Variants in CNTN5 observed in about 807,000 individuals in gnomAD.
The protein encoded by CNTN5 is contactin-5.
CNTN5 carries 77 observed loss-of-function variants against 129.1 expected under a neutral mutation model. The ratio of observed to expected loss-of-function variants is 0.60; its 90% CI spans 0.50 to 0.72. The LOEUF (loss-of-function observed/expected upper bound fraction) is 0.72, where lower values mean the gene tolerates loss of function less well. Ranked by LOEUF, CNTN5 falls within the 30% of genes least tolerant of loss-of-function variation. The pLI, the probability that CNTN5 is intolerant of heterozygous loss-of-function variation, is 0.00. For missense variants in CNTN5, 1,478 were observed against 1,328.8 expected, an observed-to-expected ratio of 1.11 and a Z score of -1.75; for synonymous variants, 509 against 465.6, an observed-to-expected ratio of 1.09 and a Z score of -1.20.
chr11:100,236,183 G>A (rs1949609378), intron 16 of CNTN5, among the ~76,000 whole-genome samples: 1 of 152,092 alleles, frequency 6.6e-6, no homozygotes, highest in Admixed American at 6.5e-5. Flanking sequence ...AAATAAACAA[G>A]GCTGTTTAAG....
At chr11:99,524,840 A>G (rs1292961878) in intron 2 of CNTN5, among the ~76,000 whole-genome samples, 3 of 152,134 alleles carry the variant, frequency 2.0e-5, no homozygotes, top group African/African-American at 7.2e-5. Context: ...ATATGTATAT[A>G]TATTTTCAAT....
chr11:99,664,538 A>C (rs572403552), intron 3 of CNTN5, among the ~76,000 whole-genome samples: 2 of 152,166 alleles, frequency 1.3e-5, no homozygotes, highest in Non-Finnish European at 2.9e-5. Context: ...CAGGATATCA[A>C]TGGCATTTTT....
At chr11:99,536,935 G>T (rs931783227) in intron 2 of CNTN5, among the ~76,000 whole-genome samples, 11 of 149,692 alleles carry the variant, frequency 7.3e-5, no homozygotes, top group African/African-American at 2.7e-4. Flanking sequence ...TCCAAAAATA[G>T]AATCATTTCA....
intron 1 of CNTN5, among the ~76,000 whole-genome samples, chr11:99,210,723 T>G (rs1417613832): frequency 6.6e-6 from 1 of 152,152 alleles, no homozygotes; most frequent in Non-Finnish European, 1.5e-5. Context: ...AAATGTTATG[T>G]TTAGCTGTTC....
chr11:99,791,547 C>T (rs1385786249), intron 3 of CNTN5, among the ~76,000 whole-genome samples: 1 of 151,966 alleles, frequency 6.6e-6, no homozygotes, highest in Non-Finnish European at 1.5e-5. Flanking sequence ...AGTTGGGTCA[C>T]GTGATGCCTC....
chr11:99,769,566 A>G (rs933179939), intron 3 of CNTN5, among the ~76,000 whole-genome samples: 3 of 152,086 alleles, frequency 2.0e-5, no homozygotes, highest in Non-Finnish European at 2.9e-5. Flanking sequence ...ATATAGATGA[A>G]GTAAATTAAG....
chr11:99,279,661 T>G (rs773769809), intron 1 of CNTN5, among the ~76,000 whole-genome samples: 16 of 151,772 alleles, frequency 1.1e-4, no homozygotes, highest in Non-Finnish European at 2.1e-4. Context: ...TTCAGTAAAC[T>G]TTAAAAGATA....
chr11:99,625,921 TATACAC>T lies in CNTN5; in HGVS notation c.55+69654_55+69659del, dbSNP rs1450571594. Reference sequence around the variant, plus strand: ...AAGATTATATATATATATATATATATATACACACACACACACACACACATAAATCTA... The same window carrying T: ...AAGATTATATATATATATATATATATACACACACACACACACATAAATCTA... On this transcript the variant is annotated intron_variant, in intron 3 of 24. Coordinates refer to ENST00000524871, the MANE Select transcript of CNTN5 (RefSeq NM_014361.4). 1.7e-3 allele frequency among the ~76,000 whole-genome samples: 12 copies of T among 7,188 alleles called. No homozygotes were observed. The South Asian group carries it at 0.017, about 10-fold the overall frequency. The allele number at this position is 7,188 out of a possible 152,430, so 4.7% of individuals were successfully genotyped here. A position where few individuals can be genotyped will look rare whatever the true frequency, so the allele number is the denominator to read the frequency against.
At chr11:100,339,364 G>A (rs1026662286) in intron 21 of CNTN5, among the ~76,000 whole-genome samples, 1 of 152,096 alleles carries the variant, frequency 6.6e-6, no homozygotes, top group African/African-American at 2.4e-5. Context: ...GGAGAAGGGA[G>A]CTGGAAAGGG....
chr11:99,748,407 C>T (rs1016394127), intron 3 of CNTN5, among the ~76,000 whole-genome samples: 39 of 138,526 alleles, frequency 2.8e-4, no homozygotes, highest in African/African-American at 1.0e-3. Context: ...TCCAGCAGAA[C>T]AATCCATAGA....
chr11:100,299,485 C>G, intron 20 of CNTN5, 89 bp downstream of exon 20: 1 of 728,384 alleles, frequency 1.4e-6, no homozygotes, highest in Non-Finnish European at 2.0e-6. Context: ...TTAGAAAATA[C>G]AAATAAGGCA....
chr11:100,127,651 C>CTTTTTTTTTTTTTTTTTTTTTTT (rs66468227), intron 13 of CNTN5, among the ~76,000 whole-genome samples: 1 of 81,280 alleles, frequency 1.2e-5, no homozygotes, highest in Non-Finnish European at 2.2e-5. Flanking sequence ...TTCTTTCTTT[C>CTTTTTTTTTTTTTTTTTTTTTTT]TTTTTTTTTT....
chr11:99,351,540 A>C (rs534314418), intron 2 of CNTN5, among the ~76,000 whole-genome samples: 1 of 152,330 alleles, frequency 6.6e-6, no homozygotes, highest in Non-Finnish European at 1.5e-5. Context: ...GTGTTTAATT[A>C]TAACATATAT....
intron 3 of CNTN5, among the ~76,000 whole-genome samples, chr11:99,744,368 C>G (rs11221191): frequency 6.6e-6 from 1 of 151,662 alleles, no homozygotes; most frequent in Non-Finnish European, 1.5e-5. Context: ...CAACAAGTCT[C>G]TTAAGGACGT....
intron 2 of CNTN5, among the ~76,000 whole-genome samples, chr11:99,463,148 A>AAATAAATAAATAAATAAATAAATAAAT (rs756861193): frequency 1.3e-4 from 9 of 67,356 alleles, no homozygotes; most frequent in Admixed American, 1.1e-3. Context: ...AATAAATAAA[A>AAATAAATAAATAAATAAATAAATAAAT]GTAAAAAAGT....
intron 2 of CNTN5, among the ~76,000 whole-genome samples, chr11:99,511,860 A>C (rs1222748703): frequency 6.6e-6 from 1 of 151,764 alleles, no homozygotes; most frequent in Non-Finnish European, 1.5e-5. Context: ...ATAATTTTGA[A>C]TATGTAGTTG....
intron 3 of CNTN5, among the ~76,000 whole-genome samples, chr11:99,792,573 G>GTGTGTGTGTGTCTGTCTGTC (rs34622017): frequency 1.0e-4 from 12 of 116,684 alleles, no homozygotes; most frequent in African/African-American, 3.7e-4. Flanking sequence ...GTGTGTGTGT[G>GTGTGTGTGTGTCTGTCTGTC]TGTCTGTCTG....
intron 2 of CNTN5, among the ~76,000 whole-genome samples, chr11:99,352,803 G>C (rs114163494): frequency 1.3e-5 from 2 of 152,146 alleles, no homozygotes; most frequent in African/African-American, 4.8e-5. Flanking sequence ...TCTGGCCTAC[G>C]TGCTGTCCTT....
chr11:99,321,355 T>C (rs1488502935), intron 1 of CNTN5, among the ~76,000 whole-genome samples: 1 of 149,306 alleles, frequency 6.7e-6, no homozygotes, highest in Admixed American at 6.7e-5. Flanking sequence ...ACATTATATA[T>C]ATATAACATA....
Sources: allele counts gnomAD v4.1 joint callset (sites outside exome capture counted in the v4.1 genomes callset), GRCh38; gene constraint gnomAD v4.1.1; transcripts MANE v1.5; gene names NCBI Gene and HGNC (gene_info 2026-07-23, HGNC 2026-07-21).